Variants in TSHR observed in about 807,000 individuals in gnomAD.
TSHR encodes thyroid stimulating hormone receptor.
A neutral mutation model predicts 64.1 loss-of-function variants in TSHR; 51 were observed. The observed-to-expected ratio is 0.80, with a 90% confidence interval of 0.64 to 1.01. TSHR has a LOEUF of 1.01. TSHR is among the 50% of genes least tolerant of loss of function. The pLI is 0.00. For synonymous variants in TSHR, 361 were observed against 361.9 expected (o/e 1.00, Z 0.03); for missense variants, 877 against 942.8 (o/e 0.93, Z 0.91).
intron 1 of TSHR, among the ~76,000 whole-genome samples, chr14:81,054,831 C>T (rs10150406): frequency 0.06 from 9,147 of 152,008 alleles, 929 homozygotes; most frequent in African/African-American, 0.21. Flanking sequence ...AAAAAGGAAA[C>T]CAAGCATAAA....
At chr14:81,112,935 T>C (rs750631056) in intron 8 of TSHR, among the ~76,000 whole-genome samples, 4 of 152,096 alleles carry the variant, frequency 2.6e-5, no homozygotes, top group Non-Finnish European at 5.9e-5. Flanking sequence ...AAAAAGATGA[T>C]AGGGTTGAGG....
Position 81,091,143 on chromosome 14 carries a change from T to G in TSHR, c.467T>G (p.Leu156Arg). 6.2e-7 allele frequency: 1 copy of G among 1,610,732 alleles called. No homozygotes were observed. Among genetic ancestry groups the G allele is most frequent in the Non-Finnish European group, 8.5e-7 (1 of 1,178,698 alleles). Residue 156 changes from leucine (L) to arginine (R), a missense_variant and splice_region_variant, in exon 5 of 10, where the codon CTT becomes CGT. Transcript: ENST00000298171. ...KVYSTDIFFI[L>R]EITDNPYMTS... Reference sequence around the variant, plus strand: ...TATTCCACTGATATATTCTTTATACTGTAAGTATGCACACATGCCATGTTT... The same window carrying G: ...TATTCCACTGATATATTCTTTATACGGTAAGTATGCACACATGCCATGTTT...
chr14:81,135,521 T>C (rs892434284), intron 8 of TSHR, among the ~76,000 whole-genome samples: 4 of 152,126 alleles, frequency 2.6e-5, no homozygotes, highest in African/African-American at 9.7e-5. Flanking sequence ...ACTAAGGTGG[T>C]AGCAATGAGA....
At chr14:81,028,076 T>A (rs1169157707) in intron 1 of TSHR, among the ~76,000 whole-genome samples, 1 of 152,156 alleles carries the variant, frequency 6.6e-6, no homozygotes, top group Non-Finnish European at 1.5e-5. Context: ...TAATAGGTAC[T>A]GTTTAAAGGA....
intron 1 of TSHR, among the ~76,000 whole-genome samples, chr14:80,966,104 C>G (rs183253831): frequency 2.6e-5 from 4 of 152,318 alleles, no homozygotes; most frequent in Admixed American, 2.6e-4. Flanking sequence ...TAATCTTACC[C>G]ATGCCTGTGT....
chr14:81,067,102 A>G (rs1886671362), intron 2 of TSHR, among the ~76,000 whole-genome samples: 1 of 152,192 alleles, frequency 6.6e-6, no homozygotes, highest in Admixed American at 6.5e-5. Flanking sequence ...TTCATTTAAA[A>G]TCATGAAGAG....
intron 1 of TSHR, among the ~76,000 whole-genome samples, chr14:81,059,076 C>G (rs1566785557): frequency 1.3e-5 from 2 of 152,132 alleles, no homozygotes; most frequent in Non-Finnish European, 2.9e-5. Flanking sequence ...GTCTGGGGGT[C>G]ATGAGGCATC....
chr14:81,069,651 G>A (rs931894775), intron 3 of TSHR, among the ~76,000 whole-genome samples: 1 of 152,130 alleles, frequency 6.6e-6, no homozygotes, highest in Admixed American at 6.5e-5. Flanking sequence ...TTGCTAAGAA[G>A]GATTGTTCCT....
In TSHR at chr14:81,104,256, G is replaced by T; in HGVS notation, c.615-4119G>T. The T allele has an allele frequency of 3.0e-6, 3 of 985,404 alleles. No homozygotes were observed. The South Asian group carries it at 1.4e-4, about 46-fold the overall frequency. The allele number at this position is 985,404 out of a possible 1,614,324, so 61.0% of individuals were successfully genotyped here. ...TAAACTAACATGAGAGGTAGGCAGG[G>T]GGTCCCTTTAATTTTCTGAATTAGC... On this transcript the variant is annotated intron_variant, in intron 7 of 9. Coordinates refer to ENST00000298171, the MANE Select transcript of TSHR (RefSeq NM_000369.5).
At chr14:81,118,799 A>G (rs1246894592) in intron 8 of TSHR, among the ~76,000 whole-genome samples, 1 of 151,502 alleles carries the variant, frequency 6.6e-6, no homozygotes, top group African/African-American at 2.4e-5. Flanking sequence ...TACAGTAAGC[A>G]AAACAGCATG....
chr14:81,027,870 C>G (rs547776647), intron 1 of TSHR, among the ~76,000 whole-genome samples: 2 of 151,786 alleles, frequency 1.3e-5, no homozygotes, highest in Non-Finnish European at 2.9e-5. Flanking sequence ...AAATCAGGAG[C>G]GAGAGGGAAA....
At chr14:81,075,099 AC>A (rs1887401499) in intron 3 of TSHR, among the ~76,000 whole-genome samples, 1 of 152,244 alleles carries the variant, frequency 6.6e-6, no homozygotes, top group Non-Finnish European at 1.5e-5. Context: ...ACCATAATTT[AC>A]TTTTTTACCA....
At chr14:81,120,085 C>T (rs1595146752) in intron 8 of TSHR, among the ~76,000 whole-genome samples, 1 of 137,516 alleles carries the variant, frequency 7.3e-6, no homozygotes, top group Non-Finnish European at 1.6e-5. Context: ...TGCTAGATGA[C>T]GAGTTAGTGG....
chr14:81,045,062 C>T (rs1028638139), intron 1 of TSHR, among the ~76,000 whole-genome samples: 9 of 152,210 alleles, frequency 5.9e-5, no homozygotes, highest in Admixed American at 4.6e-4. Context: ...GAATACTATG[C>T]GGCCATAAAA....
chr14:81,097,142 T>C (rs1889259827), intron 7 of TSHR, among the ~76,000 whole-genome samples: 1 of 152,152 alleles, frequency 6.6e-6, no homozygotes, highest in Non-Finnish European at 1.5e-5. Context: ...AAAAAATAAA[T>C]AGTGCTGGGA....
rs200495482 is a variant in TSHR, at chr14:81,143,255, C to G, written c.1197C>G (p.Thr399=). The change falls in exon 10 of 10, where the codon ACC becomes ACG. Residue 399 remains threonine (T), a synonymous_variant. Transcript: ENST00000298171. ...GGGACAGTGAAGACATGGTGTGTAC[C>G]CCCAAGTCCGATGAGTTCAACCCGT... ...ICGDSEDMVC[T]PKSDEFNPCE... 5.0e-6 allele frequency: 8 copies of G among 1,614,114 alleles called. No homozygotes were observed. The East Asian group carries it at 1.6e-4, about 31-fold the overall frequency.
At chr14:81,127,408 G>T (rs1304697993) in intron 8 of TSHR, among the ~76,000 whole-genome samples, 6 of 152,172 alleles carry the variant, frequency 3.9e-5, no homozygotes, top group Non-Finnish European at 7.4e-5. Flanking sequence ...TGACCCTTTT[G>T]CCAGTATGAT....
chr14:80,996,385 G>A (rs1054223562), intron 1 of TSHR, among the ~76,000 whole-genome samples: 5 of 151,926 alleles, frequency 3.3e-5, no homozygotes, highest in South Asian at 4.2e-4. Flanking sequence ...TCCATGATTC[G>A]TATTCATTTT....
intron 1 of TSHR, chr14:80,994,118 T>A (rs1449211509): frequency 6.6e-6 from 1 of 152,174 alleles, no homozygotes; most frequent in Non-Finnish European, 1.5e-5. Context: ...CACTTCCACT[T>A]AATGAATAGT....
Sources: gnomAD v4.1 joint callset for allele counts (sites outside exome capture counted in the v4.1 genomes callset) on GRCh38, gnomAD v4.1.1 for gene constraint, MANE v1.5 for transcripts, NCBI Gene and HGNC (gene_info 2026-07-23, HGNC 2026-07-21) for gene names.